Variants in PIGN observed in about 807,000 individuals in gnomAD.
PIGN encodes phosphatidylinositol glycan anchor biosynthesis class N.
In PIGN, 117 loss-of-function variants were observed where a neutral mutation model predicts 125.4. The ratio of observed to expected loss-of-function variants is 0.93; its 90% confidence interval spans 0.80 to 1.09. The LOEUF (loss-of-function observed/expected upper bound fraction) is 1.09, where lower values mean the gene tolerates loss of function less well. Ranked by LOEUF, PIGN falls within the 50% of genes least tolerant of loss-of-function variation. The pLI is 0.00. For missense variants in PIGN, 1,075 were observed against 1,094.9 expected, an observed-to-expected ratio of 0.98 and a Z score of 0.26; for synonymous variants, 392 against 377.8, an observed-to-expected ratio of 1.04 and a Z score of -0.44.
intron 14 of PIGN, among the ~76,000 whole-genome samples, chr18:62,134,935 T>C (rs114439888): frequency 6.6e-6 from 1 of 152,326 alleles, no homozygotes; most frequent in African/African-American, 2.4e-5. Context: ...ATGCTTTCTA[T>C]GTATACATCA....
intron 14 of PIGN, among the ~76,000 whole-genome samples, chr18:62,134,005 T>C (rs1229344378): frequency 6.6e-6 from 1 of 152,210 alleles, no homozygotes; most frequent in Non-Finnish European, 1.5e-5. Flanking sequence ...GGGGTACTTT[T>C]TGTTGACCCC....
At chr18:62,120,560 A>G (rs1261497091) in intron 14 of PIGN, among the ~76,000 whole-genome samples, 1 of 152,114 alleles carries the variant, frequency 6.6e-6, no homozygotes, top group Non-Finnish European at 1.5e-5. Context: ...GTAGCAATAT[A>G]CTTATAATTA....
intron 15 of PIGN, 111 bp from the exon 16 acceptor site, chr18:62,113,427 G>A: frequency 1.5e-6 from 1 of 670,202 alleles, no homozygotes; most frequent in Admixed American, 3.2e-5. Context: ...ATTAAAATTA[G>A]TGAATAACTG....
At chr18:62,180,992 T>C (rs2037698085) in intron 1 of PIGN, among the ~76,000 whole-genome samples, 2 of 152,186 alleles carry the variant, frequency 1.3e-5, no homozygotes, top group African/African-American at 2.4e-5. Context: ...TTTATTTGTG[T>C]TGGTTTGTGT....
At chr18:62,033,126 T>C (rs2030213486) in intron 23 of PIGN, among the ~76,000 whole-genome samples, 1 of 152,330 alleles carries the variant, frequency 6.6e-6, no homozygotes, top group African/African-American at 2.4e-5. Context: ...ATAGCTAGTG[T>C]CTGCCCCAGC....
chr18:62,083,873 T>G (rs1428983107), intron 27 of PIGN, among the ~76,000 whole-genome samples: 1 of 152,182 alleles, frequency 6.6e-6, no homozygotes. Context: ...TTAACCATTT[T>G]TATTCATAAA....
chr18:62,023,258 C>A (rs563008216), intron 23 of PIGN, among the ~76,000 whole-genome samples: 2 of 152,262 alleles, frequency 1.3e-5, no homozygotes, highest in Admixed American at 1.3e-4. Context: ...AAGCCCCAGG[C>A]AACAATTCAT....
At position 62,124,881 on chromosome 18, in the gene PIGN, T is replaced by C. The variant is rs9954910; in HGVS notation, c.1173-10242A>G. 1.0e-2 allele frequency among the ~76,000 whole-genome samples: 1,521 copies of C among 152,324 alleles called. 21 individuals carry two copies. The highest frequency in any genetic ancestry group is 0.049 in the East Asian group (254 of 5,190). On this transcript the variant is annotated intron_variant, in intron 14 of 30. Coordinates refer to ENST00000640252, the MANE Select transcript of PIGN (RefSeq NM_176787.5). Reference sequence around the variant, plus strand: ...ACCTATTTCAGAAAACTATAAACTATAGAAATACTTCTCTTTTAAAAATAT... The same window carrying C: ...ACCTATTTCAGAAAACTATAAACTACAGAAATACTTCTCTTTTAAAAATAT...
intron 14 of PIGN, among the ~76,000 whole-genome samples, chr18:62,119,583 C>T (rs2035218751): frequency 6.6e-6 from 1 of 151,884 alleles, no homozygotes; most frequent in African/African-American, 2.4e-5. Flanking sequence ...ATGGCTCACG[C>T]CTGTAATCCC....
chr18:62,106,561 C>T (rs753099564), intron 19 of PIGN, among the ~76,000 whole-genome samples: 32 of 152,100 alleles, frequency 2.1e-4, no homozygotes, highest in Middle Eastern at 3.2e-3. Flanking sequence ...ATCAGTACAA[C>T]TTATATAGCA....
At chr18:62,103,762 G>A (rs773274676) in intron 20 of PIGN, 4 of 152,150 alleles carry the variant, frequency 2.6e-5, no homozygotes, top group Non-Finnish European at 4.4e-5. Context: ...AATGCTTGAT[G>A]GTTGGTTGTG....
chr18:62,046,699 T>C (rs1043119146), intron 30 of PIGN, among the ~76,000 whole-genome samples: 3 of 152,030 alleles, frequency 2.0e-5, no homozygotes, highest in Admixed American at 2.0e-4. Flanking sequence ...AAATGCCATG[T>C]AAATAATTGT....
At chr18:62,182,282 T>C (rs1047043568) in intron 1 of PIGN, among the ~76,000 whole-genome samples, 2 of 152,070 alleles carry the variant, frequency 1.3e-5, no homozygotes, top group African/African-American at 4.8e-5. Context: ...AATCCACATA[T>C]GTAACTCGAA....
At chr18:62,159,970 G>A (rs1043295817) in intron 4 of PIGN, among the ~76,000 whole-genome samples, 9 of 152,082 alleles carry the variant, frequency 5.9e-5, no homozygotes, top group Admixed American at 1.3e-4. Context: ...AAAATTAGCC[G>A]GGTGTGGTGG....
downstream of PIGN, among the ~76,000 whole-genome samples, chr18:62,040,609 TAATAA>T (rs2030341287): frequency 6.6e-6 from 1 of 152,210 alleles, no homozygotes; most frequent in Non-Finnish European, 1.5e-5. Flanking sequence ...GAGCAGTTTT[TAATAA>T]AATAAAACCA....
At chr18:62,168,407 G>A (rs906208702) in intron 1 of PIGN, among the ~76,000 whole-genome samples, 2 of 151,914 alleles carry the variant, frequency 1.3e-5, no homozygotes, top group African/African-American at 4.8e-5. Context: ...TCCCCTATTT[G>A]TTCTTTTTTC....
rs2033503728 is a variant in PIGN, at chr18:62,082,668, C to T, written c.2576+5G>A. On this transcript the variant is annotated splice_donor_5th_base_variant and intron_variant, in intron 28 of 30. Transcript: ENST00000640252. ...TCAAATGTTTCTTAAACTAATTCATCTTACCTTTTTGACGATAACTGAGTA... is the reference window on the plus strand; with the variant it reads ...TCAAATGTTTCTTAAACTAATTCATTTTACCTTTTTGACGATAACTGAGTA... 2 of 1,490,722 alleles carry T rather than the reference C, an allele frequency of 1.3e-6. No homozygotes were observed. Among genetic ancestry groups the T allele is most frequent in the Non-Finnish European group, 1.8e-6 (2 of 1,091,180 alleles). The allele number at this position is 1,490,722 out of a possible 1,614,324, so 92.3% of individuals were successfully genotyped here.
intron 16 of PIGN, 169 bp downstream of exon 16, chr18:62,112,965 C>T: frequency 1.8e-6 from 1 of 543,244 alleles, no homozygotes; most frequent in East Asian, 3.0e-5. Flanking sequence ...TTTTTCTCAA[C>T]TGAAGAAACA....
intron 23 of PIGN, among the ~76,000 whole-genome samples, chr18:62,032,822 A>G (rs2030209600): frequency 6.6e-6 from 1 of 152,242 alleles, no homozygotes; most frequent in Admixed American, 6.5e-5. Context: ...AGCATTTAAA[A>G]CAGCGTCTGG....
Sources: allele counts gnomAD v4.1 joint callset (sites outside exome capture counted in the v4.1 genomes callset), GRCh38; gene constraint gnomAD v4.1.1; transcripts MANE v1.5; gene names NCBI Gene and HGNC (gene_info 2026-07-23, HGNC 2026-07-21).